The following SOX6 variants were observed in gnomAD, a reference collection of about 807,000 sequenced individuals.
The protein encoded by SOX6 is SRY-box transcription factor 6.
A neutral mutation model predicts 97.8 loss-of-function variants in SOX6; 11 were observed. The observed-to-expected ratio is 0.11, with a 90% CI of 0.07 to 0.19. The LOEUF (loss-of-function observed/expected upper bound fraction) is 0.19. Ranked by LOEUF, SOX6 falls within the 10% of genes least tolerant of loss-of-function variation. The pLI, the probability that SOX6 is intolerant of heterozygous loss-of-function variation, is 1.00. For missense variants in SOX6, 810 were observed against 1,039.5 expected, an observed-to-expected ratio of 0.78 and a Z score of 3.04; for synonymous variants, 360 against 371.4, an observed-to-expected ratio of 0.97 and a Z score of 0.35.
At chr11:16,285,260 CA>C (rs1854697999) in intron 3 of SOX6, among the ~76,000 whole-genome samples, 1 of 152,070 alleles carries the variant, frequency 6.6e-6, no homozygotes, top group South Asian at 2.1e-4. Context: ...AAGGCAGGTG[CA>C]GTGGCTCATG....
chr11:16,361,299 T>C (rs992955906), upstream of SOX6, among the ~76,000 whole-genome samples: 34 of 152,076 alleles, frequency 2.2e-4, no homozygotes, highest in Non-Finnish European at 5.9e-5. Context: ...TCAATAGATG[T>C]TGTAATAAAA....
intron 13 of SOX6, among the ~76,000 whole-genome samples, chr11:15,991,352 A>G (rs890494272): frequency 6.6e-6 from 1 of 152,214 alleles, no homozygotes; most frequent in Admixed American, 6.5e-5. Context: ...ATATCCATCA[A>G]CACAGGGCAA....
chr11:16,490,542 CA>C lies in SOX6; in HGVS notation n.610-14155del, dbSNP rs556393507. ...TTTTAGTTTTGGTGCAAGCACTAAC[CA>C]AAAGAAAACTATAATATCAGACAAA... On this transcript the variant is annotated intron_variant and non_coding_transcript_variant, in intron 4 of 5. Transcript: ENST00000524520. Among the ~76,000 whole-genome samples the C allele has an allele frequency of 3.1e-4, 47 of 151,248 alleles. 1 individual carries two copies. The South Asian group carries it at 5.6e-3, about 18-fold the overall frequency.
intron 4 of SOX6, among the ~76,000 whole-genome samples, chr11:16,525,270 G>C (rs1861138741): frequency 2.0e-5 from 3 of 151,858 alleles, no homozygotes; most frequent in African/African-American, 7.3e-5. Flanking sequence ...CATGGTACTG[G>C]TACCAAAACA....
At chr11:16,011,711 T>G (rs895826977) in intron 13 of SOX6, among the ~76,000 whole-genome samples, 1 of 152,052 alleles carries the variant, frequency 6.6e-6, no homozygotes, top group Admixed American at 6.6e-5. Context: ...GCTGGCTTAC[T>G]TTAGTCACTT....
At chr11:16,653,770 T>C (rs1847686077) in intron 3 of SOX6, among the ~76,000 whole-genome samples, 1 of 152,082 alleles carries the variant, frequency 6.6e-6, no homozygotes, top group African/African-American at 2.4e-5. Flanking sequence ...ATTATTGAAA[T>C]AAAAAATAAA....
chr11:16,088,172 G>C (rs1025471557), intron 9 of SOX6, among the ~76,000 whole-genome samples: 18 of 152,042 alleles, frequency 1.2e-4, no homozygotes, highest in African/African-American at 4.3e-4. Flanking sequence ...GCAAAATTAA[G>C]AGGAAAGTAA....
chr11:16,625,332 G>C lies in SOX6; in HGVS notation n.430-13072C>G, dbSNP rs576059959. Among the ~76,000 whole-genome samples, 3 of 152,136 alleles carry C rather than the reference G, an allele frequency of 2.0e-5. No homozygotes were observed. In the South Asian group the frequency reaches 6.2e-4, roughly 32 times the overall value. On this transcript the variant is annotated intron_variant and non_coding_transcript_variant, in intron 3 of 5. Coordinates refer to the SOX6 transcript ENST00000524520. ...CATCTTTAATTAATTTTTTTGTATA[G>C]TGTGATGTACGAGTGTGAAATAAGA...
chr11:16,536,397 T>C (rs756911798), intron 4 of SOX6, among the ~76,000 whole-genome samples: 3 of 152,122 alleles, frequency 2.0e-5, no homozygotes, highest in Non-Finnish European at 4.4e-5. Context: ...ACGCAGAAGA[T>C]GGGTGATTTC....
At chr11:16,654,767 G>A (rs1317431030) in intron 3 of SOX6, among the ~76,000 whole-genome samples, 1 of 152,110 alleles carries the variant, frequency 6.6e-6, no homozygotes, top group African/African-American at 2.4e-5. Flanking sequence ...GAAGCCTTCT[G>A]CTAGTCCAAA....
chr11:16,604,563 G>C (rs530976779), intron 4 of SOX6, among the ~76,000 whole-genome samples: 13 of 152,238 alleles, frequency 8.5e-5, no homozygotes, highest in South Asian at 8.3e-4. Context: ...TCATCCGAGC[G>C]CCCATTGACA....
intron 4 of SOX6, among the ~76,000 whole-genome samples, chr11:16,193,577 T>C (rs948631653): frequency 6.6e-6 from 1 of 152,166 alleles, no homozygotes; most frequent in Non-Finnish European, 1.5e-5. Context: ...CCTGGGTAAC[T>C]AACAAATGTC....
intron 3 of SOX6, among the ~76,000 whole-genome samples, chr11:16,686,878 G>A (rs1049050823): frequency 3.2e-4 from 49 of 152,202 alleles, no homozygotes; most frequent in African/African-American, 1.1e-3. Flanking sequence ...CAGGAGAATC[G>A]CTTGAACCCG....
At chr11:16,216,081 CT>C (rs1302483247) in intron 4 of SOX6, among the ~76,000 whole-genome samples, 1 of 152,160 alleles carries the variant, frequency 6.6e-6, no homozygotes, top group Non-Finnish European at 1.5e-5. Flanking sequence ...CCTCTGTTCA[CT>C]CTTTTGGAAA....
At chr11:15,985,746 A>G (rs531004685) in intron 15 of SOX6, among the ~76,000 whole-genome samples, 1 of 152,308 alleles carries the variant, frequency 6.6e-6, no homozygotes, top group African/African-American at 2.4e-5. Flanking sequence ...TATGCCAAAA[A>G]TGAGGTCCTC....
At chr11:16,192,738 A>G (rs1333271915) in intron 4 of SOX6, among the ~76,000 whole-genome samples, 1 of 152,220 alleles carries the variant, frequency 6.6e-6, no homozygotes, top group Non-Finnish European at 1.5e-5. Flanking sequence ...TTGATATAGC[A>G]TGAAAAATTA....
chr11:16,611,587 C>T (rs1848399591), intron 4 of SOX6, among the ~76,000 whole-genome samples: 1 of 152,240 alleles, frequency 6.6e-6, no homozygotes, highest in Non-Finnish European at 1.5e-5. Flanking sequence ...TTCAGCTGCC[C>T]ATCGCACTTC....
intron 9 of SOX6, among the ~76,000 whole-genome samples, chr11:16,060,980 A>G (rs1847934711): frequency 1.3e-5 from 2 of 151,854 alleles, no homozygotes; most frequent in Admixed American, 6.6e-5. Context: ...CTGATTTAAC[A>G]TACTATACAA....
intron 3 of SOX6, among the ~76,000 whole-genome samples, chr11:16,681,471 G>A (rs1042563264): frequency 6.6e-6 from 1 of 152,146 alleles, no homozygotes; most frequent in Non-Finnish European, 1.5e-5. Context: ...TGTGTAGAGG[G>A]AAATTTATAG....
Sources: allele counts gnomAD v4.1 joint callset (sites outside exome capture counted in the v4.1 genomes callset), GRCh38; gene constraint gnomAD v4.1.1; transcripts MANE v1.5; gene names NCBI Gene and HGNC (gene_info 2026-07-23, HGNC 2026-07-21).